ANK3: variants seen among roughly 807,000 people sequenced by gnomAD.
ANK3 encodes the protein ankyrin-3.
ANK3 carries 57 observed loss-of-function variants against 370.9 expected under a neutral mutation model. The ratio of observed to expected loss-of-function variants is 0.15; its 90% confidence interval spans 0.12 to 0.19. ANK3 has a LOEUF of 0.19. ANK3 is among the 10% of genes least tolerant of loss of function. ANK3 has a pLI of 1.00. For missense variants in ANK3, 4,439 were observed against 5,302.1 expected, an observed-to-expected ratio of 0.84 and a Z score of 5.06; for synonymous variants, 1,929 against 1,946.3, an observed-to-expected ratio of 0.99 and a Z score of 0.23.
intron 2 of ANK3, among the ~76,000 whole-genome samples, chr10:60,594,704 T>C (rs2077963231): frequency 6.6e-6 from 1 of 152,180 alleles, no homozygotes; most frequent in Non-Finnish European, 1.5e-5. Context: ...TTGTGATCTG[T>C]AATTTATCTG....
At chr10:60,368,440 G>A (rs1050986528) in intron 1 of ANK3, among the ~76,000 whole-genome samples, 1 of 152,062 alleles carries the variant, frequency 6.6e-6, no homozygotes, top group African/African-American at 2.4e-5. Context: ...AACTCAGTGC[G>A]GGGGGTGTAC....
intron 16 of ANK3, among the ~76,000 whole-genome samples, chr10:60,192,496 A>C (rs1446126113): frequency 1.3e-5 from 2 of 151,716 alleles, no homozygotes; most frequent in African/African-American, 2.4e-5. Flanking sequence ...ACACACACAC[A>C]CCCCATGGAA....
chr10:60,220,119 G>GAGAAAT (rs1219179141), intron 8 of ANK3, among the ~76,000 whole-genome samples: 1 of 152,078 alleles, frequency 6.6e-6, no homozygotes, highest in Non-Finnish European at 1.5e-5. Flanking sequence ...ACATCTGATG[G>GAGAAAT]AGAAATAATA....
intron 4 of ANK3, among the ~76,000 whole-genome samples, chr10:60,278,269 C>T (rs1481001947): frequency 6.6e-6 from 1 of 152,220 alleles, no homozygotes; most frequent in Non-Finnish European, 1.5e-5. Context: ...ACCCTTTAAA[C>T]ATTTGTGTCT....
chr10:60,210,748 G>C (rs2096841270), intron 9 of ANK3, among the ~76,000 whole-genome samples: 1 of 152,124 alleles, frequency 6.6e-6, no homozygotes, highest in Admixed American at 6.5e-5. Context: ...CCAGATGAGG[G>C]TTGTCTCCAA....
chr10:60,198,486 C>T lies in ANK3; in HGVS notation c.1543G>A (p.Val515Ile). 2 of 1,614,196 alleles carry T rather than the reference C, an allele frequency of 1.2e-6. No individual in the cohort carries two copies. The highest frequency in any genetic ancestry group is 4.5e-5 in the East Asian group (2 of 44,878). The change falls in exon 14 of 44, where the codon GTA becomes ATA. Residue 515 changes from valine to isoleucine, a missense_variant. Physicochemically the swap from Val to Ile is conservative, Grantham distance 29. Transcript: ENST00000280772. ...ISARLGKADI[V>I]QQLLQQGASP... Reference sequence around the variant, plus strand: ...GCCCCTTGCTGCAACAGCTGTTGTACTATGTCTGCTTTCCCCAGTCGGGCT... The same window carrying T: ...GCCCCTTGCTGCAACAGCTGTTGTATTATGTCTGCTTTCCCCAGTCGGGCT...
At chr10:60,551,920 T>C (rs1163835445) in intron 2 of ANK3, among the ~76,000 whole-genome samples, 3 of 152,242 alleles carry the variant, frequency 2.0e-5, no homozygotes, top group African/African-American at 7.2e-5. Flanking sequence ...GCCATCAATA[T>C]GGGAGATGAT....
chr10:60,357,308 C>T (rs1411707090), intron 1 of ANK3, among the ~76,000 whole-genome samples: 1 of 152,154 alleles, frequency 6.6e-6, no homozygotes, highest in East Asian at 1.9e-4. Flanking sequence ...TGGGTATTTC[C>T]AGTTAACCAT....
At chr10:60,277,933 T>A (rs1207720602) in intron 4 of ANK3, among the ~76,000 whole-genome samples, 2 of 152,342 alleles carry the variant, frequency 1.3e-5, no homozygotes, top group South Asian at 2.1e-4. Flanking sequence ...TGAATTATGA[T>A]GATGTTTGCT....
At chr10:60,051,025 C>G (rs1237990506) in intron 42 of ANK3, among the ~76,000 whole-genome samples, 1 of 151,744 alleles carries the variant, frequency 6.6e-6, no homozygotes, top group African/African-American at 2.4e-5. Context: ...TTTAAAAATT[C>G]TTAAGGCAGT....
At chr10:60,235,550 G>GTTTTTTTTTTTTTTTTTTT (rs72388493) in intron 7 of ANK3, among the ~76,000 whole-genome samples, 1 of 115,054 alleles carries the variant, frequency 8.7e-6, no homozygotes. Flanking sequence ...CTGATTTCTT[G>GTTTTTTTTTTTTTTTTTTT]TTTTTTTTTT....
chr10:60,034,289 G>T (rs1263953409), intron 43 of ANK3, among the ~76,000 whole-genome samples: 1 of 151,670 alleles, frequency 6.6e-6, no homozygotes, highest in Non-Finnish European at 1.5e-5. Flanking sequence ...TGCATTTTTG[G>T]TACAGATGGG....
At chr10:60,349,585 AT>A (rs1298117700) in intron 1 of ANK3, among the ~76,000 whole-genome samples, 9 of 152,168 alleles carry the variant, frequency 5.9e-5, no homozygotes, top group African/African-American at 2.2e-4. Flanking sequence ...ATTGCTCCTC[AT>A]AAAGAGAGAC....
chr10:60,226,103 G>T (rs2097135144), intron 8 of ANK3, among the ~76,000 whole-genome samples: 1 of 135,820 alleles, frequency 7.4e-6, no homozygotes, highest in African/African-American at 2.7e-5. Context: ...TATCTAAATA[G>T]TATTTACTGT....
At position 60,071,704 on chromosome 10, in the gene ANK3, T is replaced by C. The variant is rs773957529; in HGVS notation, c.9177A>G (p.Glu3059=). 1 of 1,597,914 alleles carries C rather than the reference T, an allele frequency of 6.3e-7. No individual in the cohort carries two copies. Among genetic ancestry groups the C allele is most frequent in the Admixed American group, 1.7e-5 (1 of 57,196 alleles). ...PDSLEFSPGK[E]SPSSDVFDHS... is the part of the protein sequence containing the mutation. ...GGTCGAATACATCACTAGAGGGAGA[T>C]TCCTTTCCTGGGCTAAACTCTAAAG... Residue 3059 remains glutamate (E), a synonymous_variant, in exon 37 of 44, where the codon GAA becomes GAG. Transcript: ENST00000280772.
intron 2 of ANK3, among the ~76,000 whole-genome samples, chr10:60,518,303 G>T (rs139559424): frequency 6.6e-6 from 1 of 152,012 alleles, no homozygotes; most frequent in Non-Finnish European, 1.5e-5. Context: ...CCTACTTCCC[G>T]GCAGATGAGA....
At chr10:60,357,709 T>G (rs1032154125) in intron 1 of ANK3, among the ~76,000 whole-genome samples, 6 of 152,204 alleles carry the variant, frequency 3.9e-5, no homozygotes, top group Non-Finnish European at 8.8e-5. Context: ...AAGAAAATTA[T>G]TTCATACCTA....
At chr10:60,484,430 T>G (rs985829437) in intron 2 of ANK3, among the ~76,000 whole-genome samples, 1 of 152,190 alleles carries the variant, frequency 6.6e-6, no homozygotes, top group Non-Finnish European at 1.5e-5. Context: ...ATGGTAATCT[T>G]GGTTATTTTT....
chr10:60,710,731 A>G (rs1054834052), intron 1 of ANK3, among the ~76,000 whole-genome samples: 2 of 152,164 alleles, frequency 1.3e-5, no homozygotes, highest in African/African-American at 2.4e-5. Context: ...GGAAGCTGAA[A>G]AGTTCCACAA....
Sources: gnomAD v4.1 joint callset for allele counts (sites outside exome capture counted in the v4.1 genomes callset) on GRCh38, gnomAD v4.1.1 for gene constraint, MANE v1.5 for transcripts, NCBI Gene and HGNC (gene_info 2026-07-23, HGNC 2026-07-21) for gene names.